TNPO1: variants seen among roughly 807,000 people sequenced by gnomAD.
TNPO1 encodes transportin 1, also known as transportin-1.
A neutral mutation model predicts 119.5 loss-of-function variants in TNPO1; 8 were observed. The observed-to-expected ratio is 0.07, with a 90% CI of 0.04 to 0.12. The LOEUF (loss-of-function observed/expected upper bound fraction) is 0.12, where lower values mean the gene tolerates loss of function less well. TNPO1 is among the 10% of genes least tolerant of loss of function. The pLI, the probability that TNPO1 is intolerant of heterozygous loss-of-function variation, is 1.00. For missense variants in TNPO1, 576 were observed against 1,089.8 expected (o/e 0.53, Z 6.64); for synonymous variants, 362 against 363.0 (o/e 1.00, Z 0.03).
In TNPO1 at chr5:72,865,727, A is replaced by G. The variant is rs758061763; in HGVS notation, c.594A>G (p.Ile198Met). 5.0e-6 allele frequency: 8 copies of G among 1,613,134 alleles called. No individual in the cohort carries two copies. The African/African-American group carries it at 6.7e-5, about 13-fold the overall frequency. ...LQFFKHSSPK[I>M]RSHAVACVNQ... ...TCTTCAAGCATAGTAGTCCAAAAATAAGGTACTTATATTGCCAGTACTAAT... is the reference window on the plus strand; with the variant it reads ...TCTTCAAGCATAGTAGTCCAAAAATGAGGTACTTATATTGCCAGTACTAAT... The change falls in exon 6 of 25, where the codon ATA (isoleucine) becomes ATG (methionine). Residue 198 changes from isoleucine to methionine, a missense_variant and splice_region_variant. By Grantham distance (10) the Ile-to-Met change is conservative. Coordinates refer to ENST00000337273, the MANE Select transcript of TNPO1 (RefSeq NM_002270.4).
At chr5:72,816,854 CCCGCTCTCTCGG>C in intron 1 of TNPO1, 102 bp downstream of exon 1, 1 of 1,401,766 alleles carries the variant, frequency 7.1e-7, no homozygotes, top group Non-Finnish European at 9.5e-7. Flanking sequence ...GCCGGGCTCG[CCCGCTCTCTCGG>C]CGCCTGCCCG....
rs149316948 is a variant in TNPO1, at chr5:72,855,189, T to C, written c.206-585T>C. Among the ~76,000 whole-genome samples the C allele has an allele frequency of 2.0e-3, 301 of 151,710 alleles. 2 individuals carry two copies. Among genetic ancestry groups the C allele is most frequent in the African/African-American group, 7.0e-3 (291 of 41,356 alleles). On this transcript the variant is annotated intron_variant, in intron 3 of 24. Transcript: ENST00000337273. ...TTGGGGGTTTTTAGTAGATACGGGG[T>C]TTCACCATGTAGGCCGGTCTGGTCT...
At chr5:72,849,373 C>T (rs998620920) in intron 2 of TNPO1, among the ~76,000 whole-genome samples, 9 of 152,286 alleles carry the variant, frequency 5.9e-5, no homozygotes, top group African/African-American at 1.9e-4. Flanking sequence ...TCATGAATAA[C>T]CTTTTAACCC....
In TNPO1 at chr5:72,848,380, T is replaced by C; in HGVS notation, c.16-5T>C. 1 of 1,610,306 alleles carries C rather than the reference T, an allele frequency of 6.2e-7. No homozygotes were observed. The highest frequency in any genetic ancestry group is 8.5e-7 in the Non-Finnish European group (1 of 1,177,906). On this transcript the variant is annotated splice_region_variant and splice_polypyrimidine_tract_variant and intron_variant, in intron 1 of 24. Coordinates refer to ENST00000337273, the MANE Select transcript of TNPO1 (RefSeq NM_002270.4). ...GTCTCTTCCTGTGTCTGGCTTTATT[T>C]GCAGCAAACCAAGATGGAGTATGAG...
chr5:72,907,419 T>G (rs1019672681), intron 24 of TNPO1, among the ~76,000 whole-genome samples: 9 of 152,184 alleles, frequency 5.9e-5, no homozygotes, highest in African/African-American at 2.2e-4. Context: ...TGCCTTTTTG[T>G]ACTCCTCTTC....
intron 7 of TNPO1, among the ~76,000 whole-genome samples, chr5:72,874,991 G>T (rs1747656955): frequency 6.6e-6 from 1 of 152,046 alleles, no homozygotes; most frequent in Non-Finnish European, 1.5e-5. Context: ...GCCAGATTCA[G>T]ATCTTCTGCT....
At chr5:72,905,127 G>A (rs1750051632) in intron 23 of TNPO1, among the ~76,000 whole-genome samples, 176 bp from the exon 24 acceptor site, 1 of 152,160 alleles carries the variant, frequency 6.6e-6, no homozygotes, top group Admixed American at 6.5e-5. Flanking sequence ...TTTGGGTGGG[G>A]ACACAGAGCC....
chr5:72,868,478 G>T, intron 6 of TNPO1, among the ~76,000 whole-genome samples: 2 of 143,768 alleles, frequency 1.4e-5, no homozygotes, highest in Admixed American at 7.1e-5. Flanking sequence ...AATATATCAG[G>T]CATTTGTGGG....
chr5:72,837,763 T>TTTACG (rs1364889209), intron 1 of TNPO1, among the ~76,000 whole-genome samples: 1 of 152,198 alleles, frequency 6.6e-6, no homozygotes, highest in Non-Finnish European at 1.5e-5. Context: ...ATTGTGGTAC[T>TTTACG]TTACGTTCTC....
At position 72,855,849 on chromosome 5, in the gene TNPO1, G is replaced by A. The variant is rs746998290; in HGVS notation, c.281G>A (p.Gly94Asp). Residue 94 changes from glycine to aspartate, a missense_variant, in exon 4 of 25, where the codon GGT becomes GAT. Coordinates refer to ENST00000337273, the MANE Select transcript of TNPO1 (RefSeq NM_002270.4). ...GCACACTTTCAGAACTTCCCAAATG[G>A]TGTAACAGACTTTATTAAAAGTGAA... ...VKAHFQNFPN[G>D]VTDFIKSECL... 8 of 1,612,960 alleles carry A rather than the reference G, an allele frequency of 5.0e-6. No individual in the cohort carries two copies. In the East Asian group the frequency reaches 1.3e-4, roughly 27 times the overall value.
chr5:72,897,588 G>A (rs1358916221), intron 20 of TNPO1, among the ~76,000 whole-genome samples: 1 of 149,854 alleles, frequency 6.7e-6, no homozygotes, highest in Non-Finnish European at 1.5e-5. Flanking sequence ...AATTTTCTTC[G>A]AATTGGGAAT....
Position 72,909,030 on chromosome 5 carries a change from A to G in TNPO1, c.*357A>G, listed in dbSNP as rs568705081. 1 of 308,676 alleles carries G rather than the reference A, an allele frequency of 3.2e-6. No individual in the cohort carries two copies. The highest frequency in any genetic ancestry group is 6.6e-6 in the Non-Finnish European group (1 of 151,510). The allele number at this position is 308,676 out of a possible 1,614,324, so 19.1% of individuals were successfully genotyped here. ...GGAATTGTACCAAAACAAGAACCATATAAATGATGCCTAGGGACAAGAAAG... is the reference window on the plus strand; with the variant it reads ...GGAATTGTACCAAAACAAGAACCATGTAAATGATGCCTAGGGACAAGAAAG... On this transcript the variant is annotated 3_prime_UTR_variant, in exon 25 of 25. Coordinates refer to ENST00000337273, the MANE Select transcript of TNPO1 (RefSeq NM_002270.4).
chr5:72,870,236 C>G (rs1245871582), intron 6 of TNPO1, among the ~76,000 whole-genome samples: 1 of 143,974 alleles, frequency 6.9e-6, no homozygotes, highest in Non-Finnish European at 1.5e-5. Flanking sequence ...TCCCTGCTCA[C>G]TGCAACCTCC....
At chr5:72,892,020 A>G (rs1465708766) in intron 15 of TNPO1, 124 bp downstream of exon 15, 4 of 681,812 alleles carry the variant, frequency 5.9e-6, no homozygotes, top group East Asian at 2.7e-5. Flanking sequence ...AAATTATATG[A>G]TACATACTGT....
chr5:72,861,753 G>A (rs207466129), intron 4 of TNPO1, 55 bp from the exon 5 acceptor site: 5 of 1,249,086 alleles, frequency 4.0e-6, no homozygotes, highest in Non-Finnish European at 5.9e-6. Context: ...TGCTCACATG[G>A]CAATGCCTGA....
intron 1 of TNPO1, among the ~76,000 whole-genome samples, chr5:72,819,626 T>A (rs989873057): frequency 1.3e-5 from 2 of 152,194 alleles, no homozygotes; most frequent in African/African-American, 4.8e-5. Context: ...ATATTACAAC[T>A]CAGTACTGAA....
chr5:72,816,789 G>C, intron 1 of TNPO1, 37 bp downstream of exon 1: 1 of 1,568,876 alleles, frequency 6.4e-7, no homozygotes. Context: ...CGAACTGCAG[G>C]GGCGGGAACG....
intron 22 of TNPO1, among the ~76,000 whole-genome samples, chr5:72,902,235 AGAGGGGTGTTTTG>A (rs1749851278): frequency 6.6e-6 from 1 of 152,160 alleles, no homozygotes; most frequent in Non-Finnish European, 1.5e-5. Context: ...TTCCACTCCG[AGAGGGGTGTTTTG>A]AACATTTTTA....
intron 11 of TNPO1, among the ~76,000 whole-genome samples, chr5:72,884,463 G>A (rs558018237): frequency 6.6e-6 from 1 of 152,066 alleles, no homozygotes; most frequent in Non-Finnish European, 1.5e-5. Flanking sequence ...GCTATCATAG[G>A]TAATTCTAAA....
Sources: gnomAD v4.1 joint callset for allele counts (sites outside exome capture counted in the v4.1 genomes callset) on GRCh38, gnomAD v4.1.1 for gene constraint, MANE v1.5 for transcripts, NCBI Gene and HGNC (gene_info 2026-07-23, HGNC 2026-07-21) for gene names.